RBFOX1: variants seen among roughly 807,000 people sequenced by gnomAD.
RBFOX1 encodes the protein RNA binding fox-1 homolog 1, also known as RNA binding protein fox-1 homolog 1.
Under a neutral mutation model 57.7 loss-of-function variants are expected in RBFOX1, and 8 were observed. That is an observed-to-expected ratio of 0.14 (90% CI 0.08 to 0.25). RBFOX1 has a LOEUF of 0.25. Among genes scored for constraint, RBFOX1 ranks in the 10% least tolerant of loss-of-function variants. The pLI, the probability that RBFOX1 is intolerant of heterozygous loss-of-function variation, is 1.00. For synonymous variants in RBFOX1, 326 were observed against 222.4 expected (o/e 1.47, Z -4.15); for missense variants, 611 against 548.5 (o/e 1.11, Z -1.14).
At chr16:5,698,732 A>G (rs1018761542) in intron 3 of RBFOX1, among the ~76,000 whole-genome samples, 3 of 152,200 alleles carry the variant, frequency 2.0e-5, no homozygotes, top group Admixed American at 1.3e-4. Context: ...TAATCAAAAC[A>G]TGGTATGTCC....
chr16:5,841,676 T>C (rs2056629221), intron 3 of RBFOX1, among the ~76,000 whole-genome samples: 1 of 152,188 alleles, frequency 6.6e-6, no homozygotes, highest in Non-Finnish European at 1.5e-5. Flanking sequence ...GTGTAAGTCA[T>C]GGGTGTCCTG....
At chr16:6,307,063 G>A (rs1411810336) in intron 1 of RBFOX1, among the ~76,000 whole-genome samples, 1 of 152,206 alleles carries the variant, frequency 6.6e-6, no homozygotes, top group Non-Finnish European at 1.5e-5. Flanking sequence ...ATCAGCGTAA[G>A]GACTTCAGAG....
chr16:5,533,956 G>A (rs982284329), intron 2 of RBFOX1, among the ~76,000 whole-genome samples: 1 of 152,172 alleles, frequency 6.6e-6, no homozygotes, highest in African/African-American at 2.4e-5. Flanking sequence ...TGTTGAGACA[G>A]TGATGAGAAG....
chr16:7,219,624 A>T (rs1261172872), intron 4 of RBFOX1, among the ~76,000 whole-genome samples: 2 of 152,190 alleles, frequency 1.3e-5, no homozygotes, highest in Non-Finnish European at 2.9e-5. Flanking sequence ...GATTTTTCAC[A>T]CTTGATGGGA....
intron 4 of RBFOX1, among the ~76,000 whole-genome samples, chr16:7,264,364 C>T (rs2095047846): frequency 6.6e-6 from 1 of 152,198 alleles, no homozygotes. Context: ...TTATGAGAAA[C>T]TCAGAAGGTG....
chr16:6,159,277 A>C (rs918281890), intron 1 of RBFOX1, among the ~76,000 whole-genome samples: 4 of 151,984 alleles, frequency 2.6e-5, no homozygotes, highest in Non-Finnish European at 5.9e-5. Flanking sequence ...GGGTTTCACC[A>C]TGTTGGCCAA....
chr16:6,957,343 G>A (rs563116548), intron 3 of RBFOX1, among the ~76,000 whole-genome samples: 5 of 152,098 alleles, frequency 3.3e-5, no homozygotes, highest in South Asian at 2.1e-4. Context: ...ATGTTAGCCA[G>A]GATGGTCTCG....
chr16:5,739,947 G>A (rs1393146978), intron 3 of RBFOX1, among the ~76,000 whole-genome samples: 3 of 152,254 alleles, frequency 2.0e-5, no homozygotes, highest in African/African-American at 7.2e-5. Context: ...AGACAGAGGA[G>A]GTGGGGTGAG....
At chr16:6,428,011 G>T (rs771409119) in intron 2 of RBFOX1, among the ~76,000 whole-genome samples, 6 of 152,094 alleles carry the variant, frequency 3.9e-5, no homozygotes, top group Non-Finnish European at 8.8e-5. Context: ...GGCCGGGCAC[G>T]GTGGCTCATG....
Position 5,745,811 on chromosome 16 carries a change from T to G in RBFOX1, c.319-121492T>G, listed in dbSNP as rs967175357. The stretch of plus-strand genomic sequence containing the variant: ...GTTGTTTTTTTCTTGTAAATTTGTT[T>G]GAGTTCATTGTAGATTCTGGATATT... On this transcript the variant is annotated intron_variant, in intron 3 of 19. Coordinates refer to the RBFOX1 transcript ENST00000641259. 2.0e-5 allele frequency among the ~76,000 whole-genome samples: 3 copies of G among 152,370 alleles called. No individual in the cohort carries two copies. In the East Asian group the frequency reaches 5.8e-4, roughly 29 times the overall value.
intron 1 of RBFOX1, among the ~76,000 whole-genome samples, chr16:6,157,729 A>G (rs935042334): frequency 4.6e-5 from 7 of 152,224 alleles, no homozygotes; most frequent in African/African-American, 1.7e-4. Flanking sequence ...TATATGATGC[A>G]AAATTGAATG....
At chr16:6,946,341 A>C (rs2153514215) in intron 3 of RBFOX1, among the ~76,000 whole-genome samples, 2 of 152,358 alleles carry the variant, frequency 1.3e-5, no homozygotes, top group South Asian at 4.1e-4. Flanking sequence ...TCAGTGGGCC[A>C]GGTCTGGCCA....
chr16:7,038,065 T>C (rs1377396671), intron 3 of RBFOX1, among the ~76,000 whole-genome samples: 2 of 151,990 alleles, frequency 1.3e-5, no homozygotes, highest in East Asian at 3.9e-4. Context: ...TCAAATGGTA[T>C]GTAAATCCCC....
At chr16:7,446,234 C>G (rs1367907165) in intron 4 of RBFOX1, among the ~76,000 whole-genome samples, 2 of 152,160 alleles carry the variant, frequency 1.3e-5, no homozygotes, top group African/African-American at 2.4e-5. Flanking sequence ...TCTCCCCAGA[C>G]CCATGCGAAT....
chr16:6,752,692 C>T (rs536707197), intron 3 of RBFOX1, among the ~76,000 whole-genome samples: 3 of 152,300 alleles, frequency 2.0e-5, no homozygotes, highest in African/African-American at 4.8e-5. Context: ...TTCTGCGTAT[C>T]GGTTTCATGC....
intron 4 of RBFOX1, among the ~76,000 whole-genome samples, chr16:7,453,784 C>G (rs1055676098): frequency 2.1e-4 from 32 of 152,156 alleles, no homozygotes; most frequent in African/African-American, 7.2e-4. Context: ...TGTTGGGCAC[C>G]CTGATGAGAT....
Position 6,470,949 on chromosome 16 carries a change from C to T in RBFOX1, c.-64+153892C>T, listed in dbSNP as rs150019407. 5.9e-3 allele frequency among the ~76,000 whole-genome samples: 891 copies of T among 152,258 alleles called. 7 individuals are homozygous for T. Among genetic ancestry groups the T allele is most frequent in the African/African-American group, 0.019 (800 of 41,546 alleles). ...CCTCATCATCTTTTAGGCTAAGATA[C>T]AATAAAATAATCTTCCAGAGGCTCT... On this transcript the variant is annotated intron_variant, in intron 2 of 15. Coordinates refer to ENST00000550418, the MANE Select transcript of RBFOX1 (RefSeq NM_018723.4).
intron 3 of RBFOX1, among the ~76,000 whole-genome samples, chr16:6,738,163 T>C (rs557340881): frequency 6.6e-6 from 1 of 152,108 alleles, no homozygotes; most frequent in Non-Finnish European, 1.5e-5. Flanking sequence ...TAAATGACTG[T>C]ATGATGATCA....
intron 4 of RBFOX1, among the ~76,000 whole-genome samples, chr16:7,224,543 T>C (rs1039575145): frequency 6.6e-6 from 1 of 152,100 alleles, no homozygotes; most frequent in Non-Finnish European, 1.5e-5. Context: ...ACTAGTAAAA[T>C]CAGAGGGAGG....
Sources: allele counts gnomAD v4.1 joint callset (sites outside exome capture counted in the v4.1 genomes callset), GRCh38; gene constraint gnomAD v4.1.1; transcripts MANE v1.5; gene names NCBI Gene and HGNC (gene_info 2026-07-23, HGNC 2026-07-21).